The following FOXK1 variants were observed in gnomAD, a reference collection of about 807,000 sequenced individuals.
FOXK1 encodes forkhead box protein K1.
A neutral mutation model predicts 51.9 loss-of-function variants in FOXK1; 19 were observed. The ratio of observed to expected loss-of-function variants is 0.37; its 90% CI spans 0.26 to 0.54. The LOEUF (loss-of-function observed/expected upper bound fraction) is 0.54. Among genes scored for constraint, FOXK1 ranks in the 20% least tolerant of loss-of-function variants. The pLI is 0.87. For missense variants in FOXK1, 870 were observed against 1,032.7 expected, an observed-to-expected ratio of 0.84 and a Z score of 2.16; for synonymous variants, 537 against 482.6, an observed-to-expected ratio of 1.11 and a Z score of -1.48.
At position 4,770,872 on chromosome 7, in the gene FOXK1, TGTG is replaced by T. The variant is rs1781089702; in HGVS notation, c.*8409_*8411del. 2 of 145,518 alleles carry T rather than the reference TGTG, an allele frequency of 1.4e-5. No homozygotes were observed. Among genetic ancestry groups the T allele is most frequent in the Non-Finnish European group, 3.0e-5 (2 of 67,410 alleles). The allele number at this position is 145,518 out of a possible 1,614,324, so 9.0% of individuals were successfully genotyped here. A position where few individuals can be genotyped will look rare whatever the true frequency, so the allele number is the denominator to read the frequency against. Reference sequence around the variant, plus strand: ...AGGGGCGGGTGTTGTTCGGTGTGTGTGTGTGTGTGTGTGTGTGTGTGTGTGTGT... The same window carrying T: ...AGGGGCGGGTGTTGTTCGGTGTGTGTTGTGTGTGTGTGTGTGTGTGTGTGT... On this transcript the variant is annotated 3_prime_UTR_variant, in exon 9 of 9. Coordinates refer to ENST00000328914, the MANE Select transcript of FOXK1 (RefSeq NM_001037165.2).
intron 1 of FOXK1, among the ~76,000 whole-genome samples, chr7:4,695,070 C>G (rs1779935597): frequency 6.6e-6 from 1 of 152,232 alleles, no homozygotes; most frequent in African/African-American, 2.4e-5. Context: ...ACAGGCCGGC[C>G]TTAGCCATGA....
chr7:4,706,630 A>G (rs1023461591), intron 1 of FOXK1, among the ~76,000 whole-genome samples: 7 of 152,376 alleles, frequency 4.6e-5, no homozygotes, highest in Admixed American at 2.0e-4. Context: ...TAATGCCAAC[A>G]GTCACCAAAA....
At position 4,683,052 on chromosome 7, in the gene FOXK1, C is replaced by G. The variant is rs1779773422; in HGVS notation, c.560+184C>G. Among the ~76,000 whole-genome samples, 1 of 145,616 alleles carries G rather than the reference C, an allele frequency of 6.9e-6. No homozygotes were observed. The highest frequency in any genetic ancestry group is 2.5e-5 in the African/African-American group (1 of 39,230). ...CAACCCCGACCCCCGCCTCCTGGCT[C>G]CCTAGGATCACCCCGACCCCGATCC... On this transcript the variant is annotated intron_variant, in intron 1 of 8. Coordinates refer to ENST00000328914, the MANE Select transcript of FOXK1 (RefSeq NM_001037165.2). The surrounding 1 kb of genome is among the most constrained non-coding windows in gnomAD (Gnocchi z 4.5).
chr7:4,725,725 A>G (rs1343354587), intron 1 of FOXK1, among the ~76,000 whole-genome samples: 1 of 152,186 alleles, frequency 6.6e-6, no homozygotes, highest in Non-Finnish European at 1.5e-5. Context: ...GTGATTTCTC[A>G]ATCTCCGTCA....
rs1780125267 is a variant in FOXK1, at chr7:4,707,915, C to T, written c.560+25047C>T. Among the ~76,000 whole-genome samples, 1 of 152,046 alleles carries T rather than the reference C, an allele frequency of 6.6e-6. No individual in the cohort carries two copies. The highest frequency in any genetic ancestry group is 2.1e-4 in the South Asian group (1 of 4,818). ...GCCAGGCTGGTCACGAACTCCTGCC[C>T]CAAGTGATCCACCCTCCTCAGCCTC... On this transcript the variant is annotated intron_variant, in intron 1 of 8. Transcript: ENST00000328914. The surrounding 1 kb of genome is among the most constrained non-coding windows in gnomAD (Gnocchi z 4.1).
intron 1 of FOXK1, among the ~76,000 whole-genome samples, chr7:4,736,418 T>G (rs977102217): frequency 1.3e-5 from 2 of 151,794 alleles, no homozygotes; most frequent in Non-Finnish European, 2.9e-5. Context: ...AGTTTTGTTT[T>G]TTTTTTTTTT....
rs755045943 is a variant in FOXK1 at position 4,740,981 on chromosome 7, G to A, written c.704G>A (p.Arg235Gln). The change falls in exon 2 of 9, where the codon CGG (arginine) becomes CAG (glutamine). Residue 235 changes from arginine to glutamine, a missense_variant. By Grantham distance (43) the Arg-to-Gln change is conservative (BLOSUM62 1). Coordinates refer to ENST00000328914, the MANE Select transcript of FOXK1 (RefSeq NM_001037165.2). The stretch of plus-strand genomic sequence containing the variant: ...ATCCACATCCCGGAGCCGGACCTCC[G>A]GAGCATGGTCAGCCCCGTCCCCTCC... ...LKIHIPEPDL[R>Q]SMVSPVPSPT... 41 of 1,560,848 alleles carry A rather than the reference G, an allele frequency of 2.6e-5. No individual in the cohort carries two copies. The highest frequency in any genetic ancestry group is 3.2e-5 in the Non-Finnish European group (37 of 1,158,638).
intron 1 of FOXK1, among the ~76,000 whole-genome samples, chr7:4,738,739 A>T (rs1207508894): frequency 1.3e-5 from 2 of 151,952 alleles, no homozygotes; most frequent in Non-Finnish European, 2.9e-5. Flanking sequence ...GGAAGTAGAA[A>T]CCTGGTGCCC....
chr7:4,719,114 TTTTTTG>T (rs930956629), intron 1 of FOXK1, among the ~76,000 whole-genome samples: 2 of 129,066 alleles, frequency 1.5e-5, no homozygotes, highest in African/African-American at 6.3e-5. Context: ...CAACCTTGTT[TTTTTTG>T]TTTTTTTTTT....
intron 1 of FOXK1, among the ~76,000 whole-genome samples, chr7:4,692,147 C>T (rs1026007965): frequency 2.0e-5 from 3 of 152,006 alleles, no homozygotes; most frequent in African/African-American, 7.3e-5. Flanking sequence ...ACTATATACC[C>T]CCACCCCAAG....
At position 4,768,359 on chromosome 7, in the gene FOXK1, C is replaced by T. The variant is rs1781047455; in HGVS notation, c.*5895C>T. 1 of 138,252 alleles carries T rather than the reference C, an allele frequency of 7.2e-6. No individual in the cohort carries two copies. The highest frequency in any genetic ancestry group is 1.5e-5 in the Non-Finnish European group (1 of 67,102). The allele number at this position is 138,252 out of a possible 1,614,324, so 8.6% of individuals were successfully genotyped here. A position where few individuals can be genotyped will look rare whatever the true frequency, so the allele number is the denominator to read the frequency against. The stretch of plus-strand genomic sequence containing the variant: ...GTGTTAGCCAGGATGGTCTCGATCT[C>T]CTGACCTCGTGATCCGCCCGCCTCG... On this transcript the variant is annotated 3_prime_UTR_variant, in exon 9 of 9. Transcript: ENST00000328914.
intron 1 of FOXK1, among the ~76,000 whole-genome samples, chr7:4,686,331 A>T (rs1196317517): frequency 6.6e-6 from 1 of 152,170 alleles, no homozygotes; most frequent in Non-Finnish European, 1.5e-5. Context: ...TGCCACACAC[A>T]CTTCCAGTAG....
intron 1 of FOXK1, among the ~76,000 whole-genome samples, chr7:4,694,242 G>A (rs1021198307): frequency 1.1e-4 from 16 of 151,336 alleles, no homozygotes; most frequent in African/African-American, 3.9e-4. Context: ...ACTTTTCTAG[G>A]TTTTTTTTTG....
rs1780146140 is a variant in FOXK1 at position 4,709,394 on chromosome 7, G to A, written c.560+26526G>A. On this transcript the variant is annotated intron_variant, in intron 1 of 8. Transcript: ENST00000328914. The surrounding 1 kb of genome is among the most constrained non-coding windows in gnomAD (Gnocchi z 5.6). The stretch of plus-strand genomic sequence containing the variant: ...GCTTCCGCTTCCATTCTCAGGGTCT[G>A]GACAGGGCCAGGCTCTTCCCAAGCG... Among the ~76,000 whole-genome samples the A allele has an allele frequency of 2.0e-5, 3 of 152,182 alleles. No individual in the cohort carries two copies. Among genetic ancestry groups the A allele is most frequent in the Admixed American group, 1.3e-4 (2 of 15,274 alleles).
Position 4,740,965 on chromosome 7 carries a change from C to G in FOXK1, c.688C>G (p.Pro230Ala). ...PQISPLKIHI[P>A]EPDLRSMVSP... ...GATCTCCCCTCTGAAGATCCACATCCCGGAGCCGGACCTCCGGAGCATGGT... is the reference window on the plus strand; with the variant it reads ...GATCTCCCCTCTGAAGATCCACATCGCGGAGCCGGACCTCCGGAGCATGGT... The change falls in exon 2 of 9, where the codon CCG (proline) becomes GCG (alanine). Residue 230 changes from proline to alanine, a missense_variant. Transcript: ENST00000328914. The G allele has an allele frequency of 6.4e-7, 1 of 1,566,486 alleles. No homozygotes were observed. Among genetic ancestry groups the G allele is most frequent in the Non-Finnish European group, 8.6e-7 (1 of 1,160,568 alleles).
intron 1 of FOXK1, among the ~76,000 whole-genome samples, chr7:4,686,050 G>A (rs571979907): frequency 1.1e-4 from 16 of 152,232 alleles, no homozygotes; most frequent in Middle Eastern, 6.8e-3. Context: ...AGTTAGATGC[G>A]TAAGTTTTTG....
chr7:4,740,966 C>T lies in FOXK1; in HGVS notation c.689C>T (p.Pro230Leu), dbSNP rs1042693899. The change falls in exon 2 of 9, where the codon CCG (proline) becomes CTG (leucine). Residue 230 changes from proline to leucine, a missense_variant. By Grantham distance (98) the Pro-to-Leu change is moderately conservative. Transcript: ENST00000328914. ...PQISPLKIHIPEPDLRSMVSP... is the reference protein window; with the variant it reads ...PQISPLKIHILEPDLRSMVSP... ...ATCTCCCCTCTGAAGATCCACATCC[C>T]GGAGCCGGACCTCCGGAGCATGGTC... 2.6e-5 allele frequency: 41 copies of T among 1,565,430 alleles called. No individual in the cohort carries two copies. The highest frequency in any genetic ancestry group is 1.2e-4 in the Admixed American group (6 of 50,860).
Position 4,757,025 on chromosome 7 carries a change from G to A in FOXK1, c.1082G>A (p.Arg361His). 3 of 1,613,778 alleles carry A rather than the reference G, an allele frequency of 1.9e-6. No homozygotes were observed. Among genetic ancestry groups the A allele is most frequent in the Non-Finnish European group, 2.5e-6 (3 of 1,179,976 alleles). The change falls in exon 5 of 9, where the codon CGT (arginine) becomes CAT (histidine). Residue 361 changes from arginine (R) to histidine (H), a missense_variant. By Grantham distance (29) the Arg-to-His change is conservative. Transcript: ENST00000328914. Reference protein sequence around the residue: ...NSIRHNLSLNRYFIKVPRSQE... With the variant: ...NSIRHNLSLNHYFIKVPRSQE... Reference sequence around the variant, plus strand: ...ATCCGGCACAACCTCTCTTTGAACCGTTACTTTATCAAAGTCCCACGTTCC... The same window carrying A: ...ATCCGGCACAACCTCTCTTTGAACCATTACTTTATCAAAGTCCCACGTTCC...
chr7:4,754,406 C>G, intron 2 of FOXK1, 53 bp from the exon 3 acceptor site: 1 of 1,590,320 alleles, frequency 6.3e-7, no homozygotes, highest in Non-Finnish European at 8.6e-7. Context: ...CTGAGCCCCA[C>G]AGGGGCCCCC....
Sources: gnomAD v4.1 joint callset for allele counts (sites outside exome capture counted in the v4.1 genomes callset) on GRCh38, gnomAD v4.1.1 for gene constraint, Gnocchi (gnomAD v3.1) non-coding constraint, MANE v1.5 for transcripts, NCBI Gene and HGNC (gene_info 2026-07-23, HGNC 2026-07-21) for gene names.